Variants in AIM2 observed in about 807,000 individuals in gnomAD.
AIM2 encodes absent in melanoma 2.
In AIM2, 30 loss-of-function variants were observed where a neutral mutation model predicts 27.7. The ratio of observed to expected loss-of-function variants is 1.08; its 90% CI spans 0.81 to 1.47. AIM2 has a LOEUF of 1.47. AIM2 is among the 40% of genes most tolerant of loss of function. The probability of loss-of-function intolerance (pLI) is 0.00; values close to 1 mark genes in which losing one functional copy is unlikely to be tolerated. For synonymous variants in AIM2, 141 were observed against 145.3 expected (o/e 0.97, Z 0.21); for missense variants, 358 against 411.3 (o/e 0.87, Z 1.12).
At chr1:159,065,310 G>A (rs928134120) in intron 4 of AIM2, among the ~76,000 whole-genome samples, 2 of 152,138 alleles carry the variant, frequency 1.3e-5, no homozygotes, top group Admixed American at 6.5e-5. Context: ...AGTGAGGAGC[G>A]CCTCTGCCCG....
chr1:159,060,135 A>G (rs997765164), downstream of AIM2, among the ~76,000 whole-genome samples: 12 of 152,226 alleles, frequency 7.9e-5, no homozygotes, highest in African/African-American at 2.9e-4. Flanking sequence ...ATATGAACAT[A>G]ATTACTAGTA....
At chr1:159,124,203 A>T (rs1570978610) in intron 1 of AIM2, among the ~76,000 whole-genome samples, 4 of 152,148 alleles carry the variant, frequency 2.6e-5, no homozygotes, top group South Asian at 2.1e-4. Flanking sequence ...TCTTTTTTTA[A>T]AAAAAATGAT....
chr1:159,058,609 C>T (rs1436627512), downstream of AIM2, among the ~76,000 whole-genome samples: 1 of 152,076 alleles, frequency 6.6e-6, no homozygotes, highest in African/African-American at 2.4e-5. Flanking sequence ...GCATGATTTC[C>T]CCTACCCTCA....
At chr1:159,077,218 AT>A (rs3834102), upstream of AIM2, among the ~76,000 whole-genome samples, 10,777 of 152,302 alleles carry the variant, frequency 0.071, 700 homozygotes, top group East Asian at 0.31. Context: ...GCACTCAAAG[AT>A]TTGAGTCACA....
chr1:159,095,089 G>A (rs1268681347), intron 1 of AIM2, among the ~76,000 whole-genome samples: 1 of 152,156 alleles, frequency 6.6e-6, no homozygotes, highest in Non-Finnish European at 1.5e-5. Context: ...CATCCAGAGA[G>A]AGAAGCACTA....
intron 2 of AIM2, among the ~76,000 whole-genome samples, chr1:159,072,732 G>A (rs1053244954): frequency 6.6e-6 from 1 of 152,142 alleles, no homozygotes; most frequent in African/African-American, 2.4e-5. Context: ...GGAGATCATC[G>A]CCTAAAGAAG....
In AIM2 at chr1:159,065,964, C is replaced by T. The variant is rs748345009; in HGVS notation, c.762G>A (p.Thr254=). ...TTGTTCCAAGGGGCTGAGTTTGAAG[C>T]GTGTTGATCTTCGGGGTTTCACCAG... is the stretch of plus-strand genomic sequence containing the variant. ...RKAGETPKIN[T]LQTQPLGTIV... The change falls in exon 4 of 6, where the codon ACG becomes ACA. Residue 254 remains threonine, a synonymous_variant. Transcript: ENST00000368130. 8 of 1,614,016 alleles carry T rather than the reference C, an allele frequency of 5.0e-6. No homozygotes were observed. The highest frequency in any genetic ancestry group is 2.7e-5 in the African/African-American group (2 of 75,036).
chr1:159,058,323 T>C (rs1432362566), downstream of AIM2, among the ~76,000 whole-genome samples: 3 of 143,140 alleles, frequency 2.1e-5, no homozygotes, highest in Admixed American at 2.2e-4. Context: ...CACTCCAGCC[T>C]AGGTGACAGA....
At chr1:159,100,995 A>G (rs1657299757) in intron 1 of AIM2, among the ~76,000 whole-genome samples, 1 of 152,208 alleles carries the variant, frequency 6.6e-6, no homozygotes, top group Non-Finnish European at 1.5e-5. Flanking sequence ...TGTCTCATCT[A>G]CATACATAAC....
intron 1 of AIM2, among the ~76,000 whole-genome samples, chr1:159,120,606 A>G (rs1396344432): frequency 6.6e-6 from 1 of 152,192 alleles, no homozygotes. Flanking sequence ...GATCTAGAAG[A>G]TTGGATTAGC....
At chr1:159,139,549 T>G (rs1648072476) in intron 1 of AIM2, among the ~76,000 whole-genome samples, 1 of 152,138 alleles carries the variant, frequency 6.6e-6, no homozygotes, top group African/African-American at 2.4e-5. Context: ...ATAAGCAAAT[T>G]AAAGTGCAGA....
chr1:159,056,714 C>G, the AIM2 span, among the ~76,000 whole-genome samples: 1 of 63,848 alleles, frequency 1.6e-5, no homozygotes, highest in African/African-American at 4.6e-5. Context: ...AAAGCCCAAC[C>G]GGCAAAAAAA....
intron 1 of AIM2, among the ~76,000 whole-genome samples, chr1:159,112,811 A>G (rs1335515314): frequency 1.3e-5 from 2 of 152,094 alleles, no homozygotes; most frequent in Non-Finnish European, 2.9e-5. Context: ...GTTTAAAGCC[A>G]CATTTCTTGA....
intron 1 of AIM2, among the ~76,000 whole-genome samples, chr1:159,087,543 G>A (rs906345494): frequency 6.6e-6 from 1 of 150,906 alleles, no homozygotes; most frequent in African/African-American, 2.4e-5. Flanking sequence ...AAAAAGCAAT[G>A]CCAGGCTTTT....
At chr1:159,102,530 C>A (rs769887694) in intron 1 of AIM2, among the ~76,000 whole-genome samples, 1 of 152,214 alleles carries the variant, frequency 6.6e-6, no homozygotes, top group African/African-American at 2.4e-5. Context: ...GGAAAAGCAG[C>A]AGACACTCAA....
At chr1:159,130,282 C>T (rs931351505) in intron 1 of AIM2, among the ~76,000 whole-genome samples, 14 of 152,146 alleles carry the variant, frequency 9.2e-5, no homozygotes, top group African/African-American at 3.4e-4. Context: ...ATTGACCACT[C>T]CCAAGACATC....
chr1:159,074,658 G>A (rs945165480), intron 1 of AIM2, among the ~76,000 whole-genome samples: 6 of 151,908 alleles, frequency 3.9e-5, no homozygotes, highest in Non-Finnish European at 5.9e-5. Context: ...TTAATATACA[G>A]AAATGCATTC....
At chr1:159,099,557 A>G (rs758036015) in intron 1 of AIM2, among the ~76,000 whole-genome samples, 1 of 152,160 alleles carries the variant, frequency 6.6e-6, no homozygotes, top group Non-Finnish European at 1.5e-5. Flanking sequence ...ATTTCAGGGA[A>G]CAACTTTTCT....
At chr1:159,082,921 C>G (rs1570954089) in intron 1 of AIM2, among the ~76,000 whole-genome samples, 1 of 152,194 alleles carries the variant, frequency 6.6e-6, no homozygotes, top group Non-Finnish European at 1.5e-5. Flanking sequence ...AAGAATATTT[C>G]CTAAGGAAAA....
Sources: gnomAD v4.1 joint callset for allele counts (sites outside exome capture counted in the v4.1 genomes callset) on GRCh38, gnomAD v4.1.1 for gene constraint, MANE v1.5 for transcripts, NCBI Gene and HGNC (gene_info 2026-07-23, HGNC 2026-07-21) for gene names.